The following ERBB4 variants were observed in gnomAD, a reference collection of about 807,000 sequenced individuals.
The protein encoded by ERBB4 is receptor tyrosine-protein kinase erbB-4.
ERBB4 carries 42 observed loss-of-function variants against 158.0 expected under a neutral mutation model. That is an observed-to-expected ratio of 0.27 (90% confidence interval 0.21 to 0.34). The LOEUF is 0.34. ERBB4 is among the 10% of genes least tolerant of loss of function. The pLI, the probability that ERBB4 is intolerant of heterozygous loss-of-function variation, is 1.00. For synonymous variants in ERBB4, 583 were observed against 558.7 expected, an observed-to-expected ratio of 1.04 and a Z score of -0.61; for missense variants, 1,333 against 1,624.1, an observed-to-expected ratio of 0.82 and a Z score of 3.08.
chr2:211,675,582 A>G (rs544729427), intron 13 of ERBB4, among the ~76,000 whole-genome samples: 1 of 151,824 alleles, frequency 6.6e-6, no homozygotes, highest in East Asian at 1.9e-4. Flanking sequence ...GCAGTTACCT[A>G]TCTTTTTCAT....
At chr2:211,513,156 A>C (rs554124690) in intron 20 of ERBB4, among the ~76,000 whole-genome samples, 27 of 152,066 alleles carry the variant, frequency 1.8e-4, no homozygotes, top group Middle Eastern at 6.8e-3. Context: ...AAAAAGGAAA[A>C]AGAGAACTGT....
chr2:212,505,046 T>G (rs1560502747), intron 1 of ERBB4, among the ~76,000 whole-genome samples: 3 of 152,144 alleles, frequency 2.0e-5, no homozygotes, highest in Non-Finnish European at 4.4e-5. Context: ...ATTAAACAAA[T>G]ATACAACTGT....
At chr2:212,094,189 C>T (rs1020131165) in intron 2 of ERBB4, among the ~76,000 whole-genome samples, 7 of 151,348 alleles carry the variant, frequency 4.6e-5, no homozygotes, top group African/African-American at 1.2e-4. Context: ...GCTTGGTGCC[C>T]GCCCTGTGGT....
chr2:211,523,262 A>C (rs2066238752), intron 20 of ERBB4, among the ~76,000 whole-genome samples: 1 of 144,336 alleles, frequency 6.9e-6, no homozygotes, highest in Admixed American at 7.4e-5. Context: ...AAGAGGAAAA[A>C]CAGCCTTGAA....
chr2:211,722,713 T>C (rs1003780770), intron 6 of ERBB4, among the ~76,000 whole-genome samples, 179 bp from the exon 7 acceptor site: 1 of 152,236 alleles, frequency 6.6e-6, no homozygotes, highest in African/African-American at 2.4e-5. Flanking sequence ...CCAGTATCAG[T>C]AAATAGGAAA....
At chr2:212,346,099 A>G (rs982048349) in intron 1 of ERBB4, among the ~76,000 whole-genome samples, 18 of 152,172 alleles carry the variant, frequency 1.2e-4, no homozygotes, top group Non-Finnish European at 2.2e-4. Context: ...TTTAACTTCC[A>G]TTTTAGAAAC....
At chr2:211,930,929 T>C (rs961558698) in intron 3 of ERBB4, among the ~76,000 whole-genome samples, 27 of 152,138 alleles carry the variant, frequency 1.8e-4, no homozygotes, top group Admixed American at 5.2e-4. Flanking sequence ...GACTTTCAAA[T>C]ACAGTATAAA....
At chr2:212,122,942 C>A (rs1381149477) in intron 2 of ERBB4, among the ~76,000 whole-genome samples, 2 of 152,112 alleles carry the variant, frequency 1.3e-5, no homozygotes, top group Non-Finnish European at 2.9e-5. Flanking sequence ...TAAAATTTTT[C>A]TATTATTCCA....
chr2:211,713,654 T>TAAAA lies in ERBB4; in HGVS notation c.884-10_884-7dup. The TAAAA allele has an allele frequency of 1.6e-6, 2 of 1,247,840 alleles. No individual in the cohort carries two copies. Among genetic ancestry groups the TAAAA allele is most frequent in the Non-Finnish European group, 2.3e-6 (2 of 877,938 alleles). 77.3% of individuals were successfully genotyped at this position (1,247,840 alleles called of 1,614,324 possible). The stretch of plus-strand genomic sequence containing the variant: ...GGAATCTACCACAAAGTTATCTGAT[T>TAAAA]AAAAAAAAAAAAAAGGTAAAATAAG... On this transcript the variant is annotated splice_polypyrimidine_tract_variant and splice_region_variant and intron_variant, in intron 7 of 27. Coordinates refer to ENST00000342788, the MANE Select transcript of ERBB4 (RefSeq NM_005235.3).
At chr2:212,067,973 T>A (rs769624878) in intron 2 of ERBB4, among the ~76,000 whole-genome samples, 1 of 152,066 alleles carries the variant, frequency 6.6e-6, no homozygotes, top group Non-Finnish European at 1.5e-5. Context: ...TAGACTTAGA[T>A]GCAAAAACGA....
chr2:212,167,239 T>C (rs187386254), intron 1 of ERBB4, among the ~76,000 whole-genome samples: 99 of 152,064 alleles, frequency 6.5e-4, no homozygotes, highest in Non-Finnish European at 1.2e-3. Context: ...CTTAAACAAA[T>C]TTACAAGAAA....
At chr2:211,697,525 T>A (rs974079029) in intron 12 of ERBB4, among the ~76,000 whole-genome samples, 46 of 152,250 alleles carry the variant, frequency 3.0e-4, no homozygotes, top group African/African-American at 9.6e-4. Flanking sequence ...CCAACACATT[T>A]AAAGAACAAA....
Position 211,933,411 on chromosome 2 carries a change from C to A in ERBB4, c.421+14019G>T, listed in dbSNP as rs186874591. ...TCTTCTCCATCCTTTCCTTGCAAAA[C>A]ATACTGCCCAGTACTCTTTGAACAA... On this transcript the variant is annotated intron_variant, in intron 3 of 27. Coordinates refer to ENST00000342788, the MANE Select transcript of ERBB4 (RefSeq NM_005235.3). 1.6e-4 allele frequency among the ~76,000 whole-genome samples: 25 copies of A among 152,142 alleles called. No individual in the cohort carries two copies. The East Asian group carries it at 4.2e-3, about 26-fold the overall frequency.
chr2:212,478,441 T>G (rs913136143), intron 1 of ERBB4, among the ~76,000 whole-genome samples: 2 of 151,970 alleles, frequency 1.3e-5, no homozygotes, highest in Admixed American at 1.3e-4. Context: ...GTTTCATAGG[T>G]AAGCACAAGC....
At position 212,166,399 on chromosome 2, in the gene ERBB4, A is replaced by G. The variant is rs555901033; in HGVS notation, c.83-41496T>C. 3.3e-5 allele frequency among the ~76,000 whole-genome samples: 5 copies of G among 152,208 alleles called. No individual in the cohort carries two copies. In the East Asian group the frequency reaches 9.7e-4, roughly 29 times the overall value. On this transcript the variant is annotated intron_variant, in intron 1 of 27. Coordinates refer to ENST00000342788, the MANE Select transcript of ERBB4 (RefSeq NM_005235.3). ...ATAACCTATTTGTTTAGTATTTTACATTAACAAAACACTTCTACAAAATTG... is the reference window on the plus strand; with the variant it reads ...ATAACCTATTTGTTTAGTATTTTACGTTAACAAAACACTTCTACAAAATTG...
At chr2:212,113,571 CTCAAAAAAAAA>C (rs1356156801) in intron 2 of ERBB4, among the ~76,000 whole-genome samples, 4 of 56,870 alleles carry the variant, frequency 7.0e-5, no homozygotes, top group Non-Finnish European at 9.4e-5. Flanking sequence ...GAGACTCCAT[CTCAAAAAAAAA>C]AAAAAAAAAA....
intron 3 of ERBB4, among the ~76,000 whole-genome samples, chr2:211,829,354 C>A (rs546301941): frequency 1.1e-4 from 17 of 152,082 alleles, no homozygotes; most frequent in Non-Finnish European, 2.1e-4. Flanking sequence ...TTAGGACTTA[C>A]AATTTTTATA....
intron 25 of ERBB4, among the ~76,000 whole-genome samples, chr2:211,416,322 C>T (rs1299558882): frequency 6.6e-6 from 1 of 150,482 alleles, no homozygotes; most frequent in African/African-American, 2.4e-5. Context: ...GCCATTGTAA[C>T]AAAAAAGAAA....
At chr2:212,073,657 C>A (rs1274938148) in intron 2 of ERBB4, among the ~76,000 whole-genome samples, 2 of 151,924 alleles carry the variant, frequency 1.3e-5, no homozygotes, top group Admixed American at 1.3e-4. Context: ...AGGAAAATTT[C>A]TTGGTGCACA....
Sources: gnomAD v4.1 joint callset for allele counts (sites outside exome capture counted in the v4.1 genomes callset) on GRCh38, gnomAD v4.1.1 for gene constraint, MANE v1.5 for transcripts, NCBI Gene and HGNC (gene_info 2026-07-23, HGNC 2026-07-21) for gene names.